KANK1: variants seen among roughly 807,000 people sequenced by gnomAD.
The protein encoded by KANK1 is KN motif and ankyrin repeat domain-containing protein 1.
KANK1 carries 109 observed loss-of-function variants against 106.2 expected under a neutral mutation model. The ratio of observed to expected loss-of-function variants is 1.03; its 90% CI spans 0.88 to 1.20. The LOEUF (loss-of-function observed/expected upper bound fraction) is 1.20, where lower values mean the gene tolerates loss of function less well. Among genes scored for constraint, KANK1 ranks in the 50% most tolerant of loss-of-function variants. The pLI, the probability that KANK1 is intolerant of heterozygous loss-of-function variation, is 0.00. For synonymous variants in KANK1, 873 were observed against 652.2 expected, an observed-to-expected ratio of 1.34 and a Z score of -5.16; for missense variants, 2,399 against 1,710.7, an observed-to-expected ratio of 1.40 and a Z score of -7.10.
chr9:531,378 C>T (rs1563724929), intron 1 of KANK1, among the ~76,000 whole-genome samples: 1 of 151,948 alleles, frequency 6.6e-6, no homozygotes, highest in African/African-American at 2.4e-5. Flanking sequence ...CTGCAGTGAG[C>T]TGTAATTGTA....
chr9:509,647 A>C (rs894925166), intron 1 of KANK1, among the ~76,000 whole-genome samples: 1 of 152,202 alleles, frequency 6.6e-6, no homozygotes, highest in African/African-American at 2.4e-5. Flanking sequence ...ACTAGTACAT[A>C]CCGTTGTGGA....
intron 1 of KANK1, among the ~76,000 whole-genome samples, chr9:565,744 T>C (rs1333826606): frequency 1.3e-5 from 2 of 152,104 alleles, no homozygotes; most frequent in Non-Finnish European, 2.9e-5. Flanking sequence ...TGAAAAGACA[T>C]CTCAAAAGGC....
chr9:549,397 T>C (rs1341930634), intron 1 of KANK1: 1 of 152,316 alleles, frequency 6.6e-6, no homozygotes, highest in East Asian at 1.9e-4. Flanking sequence ...AGCTTGCTAG[T>C]GAGAATTGCC....
chr9:584,363 C>T (rs771258592), intron 1 of KANK1, among the ~76,000 whole-genome samples: 3 of 152,108 alleles, frequency 2.0e-5, no homozygotes, highest in Non-Finnish European at 4.4e-5. Flanking sequence ...CAACAAAGTG[C>T]TAATTATCCT....
intron 1 of KANK1, among the ~76,000 whole-genome samples, chr9:616,005 G>A (rs1261294596): frequency 6.6e-6 from 1 of 152,152 alleles, no homozygotes; most frequent in Non-Finnish European, 1.5e-5. Flanking sequence ...AAAGCCTAAG[G>A]AAGGTTTCTC....
At chr9:642,113 G>C (rs1222849316) in intron 1 of KANK1, among the ~76,000 whole-genome samples, 1 of 152,142 alleles carries the variant, frequency 6.6e-6, no homozygotes, top group African/African-American at 2.4e-5. Flanking sequence ...GAGCTCACAT[G>C]AACTGTTGGC....
At chr9:537,299 C>T (rs1315419557) in intron 1 of KANK1, among the ~76,000 whole-genome samples, 2 of 152,122 alleles carry the variant, frequency 1.3e-5, no homozygotes, top group Non-Finnish European at 2.9e-5. Context: ...GACGAGAAGC[C>T]TCCTCTCCAC....
At chr9:679,571 C>A (rs376373580) in intron 2 of KANK1, among the ~76,000 whole-genome samples, 1 of 152,118 alleles carries the variant, frequency 6.6e-6, no homozygotes, top group Admixed American at 6.5e-5. Flanking sequence ...CATGCCATCA[C>A]GCCTGGCCAA....
chr9:725,562 ACT>A (rs1342069693), intron 3 of KANK1, among the ~76,000 whole-genome samples: 2 of 150,772 alleles, frequency 1.3e-5, no homozygotes, highest in African/African-American at 2.5e-5. Flanking sequence ...GCCAGCTCTC[ACT>A]CTTTTACTAT....
chr9:567,841 G>A (rs1818189948), intron 1 of KANK1, among the ~76,000 whole-genome samples: 3 of 152,286 alleles, frequency 2.0e-5, no homozygotes, highest in Admixed American at 6.5e-5. Context: ...CGTTCTTGCA[G>A]TATAGAAGTT....
At chr9:609,841 A>G (rs1830166616) in intron 1 of KANK1, among the ~76,000 whole-genome samples, 1 of 152,154 alleles carries the variant, frequency 6.6e-6, no homozygotes, top group Non-Finnish European at 1.5e-5. Context: ...AGTATTTTAT[A>G]TTTATTCACT....
In KANK1 at chr9:514,222, TCCTC is replaced by T. The variant is rs1289363705; in HGVS notation, c.-84+9484_-84+9487del. On this transcript the variant is annotated intron_variant, in intron 1 of 11. Transcript: ENST00000382297. ...TCCCTCCCTCTCTCCCTCCCTCCCT[TCCTC>T]CCTCCCTCCCTCCCTTCCTTCCTTC... 2.4e-4 allele frequency among the ~76,000 whole-genome samples: 9 copies of T among 37,080 alleles called. 2 individuals are homozygous for T. The highest frequency in any genetic ancestry group is 2.7e-3 in the South Asian group (2 of 748). The allele number at this position is 37,080 out of a possible 152,430, so 24.3% of individuals were successfully genotyped here.
intron 1 of KANK1, among the ~76,000 whole-genome samples, chr9:548,293 G>A (rs1251922387): frequency 6.6e-6 from 1 of 152,126 alleles, no homozygotes; most frequent in Non-Finnish European, 1.5e-5. Context: ...GATCCGCCAG[G>A]GAAGAGTCCC....
At chr9:502,537 T>TTC (rs201580199), upstream of KANK1, among the ~76,000 whole-genome samples, 19,378 of 143,454 alleles carry the variant, frequency 0.14, 2,132 homozygotes, top group African/African-American at 0.36. Context: ...ACTTTTTTTT[T>TTC]TTTTTTCTTA....
chr9:481,551 C>G (rs978828921), intron 3 of KANK1, among the ~76,000 whole-genome samples: 6 of 152,090 alleles, frequency 3.9e-5, no homozygotes, highest in Non-Finnish European at 5.9e-5. Context: ...TCAGAAAACT[C>G]AAAACTACTT....
intron 3 of KANK1, among the ~76,000 whole-genome samples, chr9:726,742 C>T (rs1301909356): frequency 6.6e-6 from 1 of 151,820 alleles, no homozygotes; most frequent in Non-Finnish European, 1.5e-5. Context: ...GGCAGATTTC[C>T]TGAGGTCACA....
intron 1 of KANK1, among the ~76,000 whole-genome samples, chr9:526,546 G>T (rs1360322423): frequency 6.6e-6 from 1 of 151,562 alleles, no homozygotes; most frequent in African/African-American, 2.4e-5. Flanking sequence ...GACCCTTTCT[G>T]TACAAAAAAA....
intron 3 of KANK1, among the ~76,000 whole-genome samples, chr9:491,768 C>T (rs768578865): frequency 5.3e-5 from 8 of 152,204 alleles, no homozygotes; most frequent in Non-Finnish European, 1.2e-4. Flanking sequence ...ACAATTCCCA[C>T]ATTTCGTGGA....
chr9:727,417 G>C (rs111859821), intron 3 of KANK1, among the ~76,000 whole-genome samples: 5,714 of 151,640 alleles, frequency 0.038, 161 homozygotes, highest in African/African-American at 0.058. Flanking sequence ...CCGGGTTCAA[G>C]TGATTCTCCT....
Sources: gnomAD v4.1 joint callset for allele counts (sites outside exome capture counted in the v4.1 genomes callset) on GRCh38, gnomAD v4.1.1 for gene constraint, MANE v1.5 for transcripts, NCBI Gene and HGNC (gene_info 2026-07-23, HGNC 2026-07-21) for gene names.